The following BRCA1 variants were observed in gnomAD, a reference collection of about 807,000 sequenced individuals.
BRCA1 encodes the protein breast cancer type 1 susceptibility protein.
Under a neutral mutation model 173.7 loss-of-function variants are expected in BRCA1, and 140 were observed. The ratio of observed to expected loss-of-function variants is 0.81; its 90% confidence interval spans 0.70 to 0.93. The LOEUF (loss-of-function observed/expected upper bound fraction) is 0.93. Among genes scored for constraint, BRCA1 ranks in the 40% least tolerant of loss-of-function variants. BRCA1 has a pLI of 0.00. For synonymous variants in BRCA1, 662 were observed against 756.0 expected (o/e 0.88, Z 2.04); for missense variants, 1,983 against 2,172.5 (o/e 0.91, Z 1.73).
intron 1 of BRCA1, among the ~76,000 whole-genome samples, chr17:43,136,302 TTAAACA>T (rs1211262440): frequency 6.6e-6 from 1 of 152,180 alleles, no homozygotes; most frequent in Non-Finnish European, 1.5e-5. Flanking sequence ...GATTAAAAAC[TTAAACA>T]TAAGATCTAA....
intron 15 of BRCA1, 117 bp downstream of exon 15, chr17:43,070,811 T>A (rs575952408): frequency 6.4e-4 from 779 of 1,215,004 alleles, no homozygotes; most frequent in Non-Finnish European, 8.7e-4. Context: ...TACACAGAAC[T>A]GTGATTGTTT....
chr17:43,051,665 C>A (rs910147864), intron 19 of BRCA1, among the ~76,000 whole-genome samples: 1 of 147,466 alleles, frequency 6.8e-6, no homozygotes, highest in Non-Finnish European at 1.5e-5. Flanking sequence ...GAGACGGAGT[C>A]TCTCTCTGTC....
At chr17:43,046,222 CTTTTT>C (rs71157698) in intron 22 of BRCA1, among the ~76,000 whole-genome samples, 1,920 of 68,168 alleles carry the variant, frequency 0.028, 37 homozygotes, top group African/African-American at 0.13. Flanking sequence ...TGCACCTGGC[CTTTTT>C]TTTTTTTTTT....
chr17:43,115,584 TGAG>T, intron 3 of BRCA1, 139 bp downstream of exon 3: 4 of 793,972 alleles, frequency 5.0e-6, no homozygotes, highest in Non-Finnish European at 8.2e-6. Context: ...ATATACTCTC[TGAG>T]AAAGAATGAA....
Position 43,068,780 on chromosome 17 carries a change from T to C in BRCA1, c.4987-1085A>G, listed in dbSNP as rs869312521. 6.6e-6 allele frequency among the ~76,000 whole-genome samples: 1 copy of C among 152,078 alleles called. No homozygotes were observed. The highest frequency in any genetic ancestry group is 2.1e-4 in the South Asian group (1 of 4,828). On this transcript the variant is annotated intron_variant, in intron 15 of 22. Transcript: ENST00000357654. ...CAACCCTCTGATAGTTACAAAACAC[T>C]GAAATCAGGATGTTACTAAAGGTCA... is the stretch of plus-strand genomic sequence containing the variant.
At position 43,091,572 on chromosome 17, in the gene BRCA1, G is replaced by C. The variant is rs2053494663; in HGVS notation, c.3959C>G (p.Ser1320Cys). The stretch of plus-strand genomic sequence containing the variant: ...AGACTGATGCCTCATTTGTTTGGAA[G>C]AACCAATCAAGAAAGGATCCTGGGT... ...TNTQDPFLIG[S>C]SKQMRHQSES... Residue 1320 changes from serine to cysteine, a missense_variant, in exon 10 of 23, where the codon TCT becomes TGT. Ser to Cys is a moderately radical substitution (Grantham distance 112). Coordinates refer to ENST00000357654, the MANE Select transcript of BRCA1 (RefSeq NM_007294.4). 1 of 1,614,170 alleles carries C rather than the reference G, an allele frequency of 6.2e-7. No homozygotes were observed. The highest frequency in any genetic ancestry group is 8.5e-7 in the Non-Finnish European group (1 of 1,180,030).
At chr17:43,121,362 G>T (rs34942571) in intron 2 of BRCA1, among the ~76,000 whole-genome samples, 1 of 150,800 alleles carries the variant, frequency 6.6e-6, no homozygotes, top group Non-Finnish European at 1.5e-5. Flanking sequence ...GCAGCAGAGC[G>T]AGACCGTGTC....
chr17:43,050,764 A>T (rs1391542420), intron 20 of BRCA1, among the ~76,000 whole-genome samples: 2 of 152,158 alleles, frequency 1.3e-5, no homozygotes, highest in Admixed American at 1.3e-4. Context: ...CTATCCAAAG[A>T]TATTTTCTCA....
chr17:43,100,547 TGTGTGTGTGTGTA>T (rs1597889282), intron 6 of BRCA1, among the ~76,000 whole-genome samples: 1 of 78,404 alleles, frequency 1.3e-5, no homozygotes, highest in East Asian at 3.2e-4. Flanking sequence ...CATATATATG[TGTGTGTGTGTGTA>T]TATATATATA....
intron 1 of BRCA1, chr17:43,167,964 A>G (rs1234450141): frequency 1.7e-5 from 3 of 174,878 alleles, no homozygotes; most frequent in African/African-American, 7.2e-5. Flanking sequence ...TGAAGAGGAG[A>G]GGAGTGGGAG....
At chr17:43,169,935 G>C in intron 1 of BRCA1, 1 of 458,552 alleles carries the variant, frequency 2.2e-6, no homozygotes, top group Non-Finnish European at 4.4e-6. Context: ...CAGGACCTTT[G>C]CAAACAAGCC....
intron 2 of BRCA1, among the ~76,000 whole-genome samples, chr17:43,118,073 G>A (rs1162805145): frequency 6.6e-6 from 1 of 151,980 alleles, no homozygotes; most frequent in Non-Finnish European, 1.5e-5. Flanking sequence ...TCTATGTGGG[G>A]GTGAGATGTA....
At chr17:43,054,744 A>AT (rs11347376) in intron 19 of BRCA1, among the ~76,000 whole-genome samples, 160 of 137,532 alleles carry the variant, frequency 1.2e-3, no homozygotes, top group Admixed American at 4.3e-3. Context: ...CCCAGCTGGG[A>AT]TTTTTTTTTT....
Position 43,067,728 on chromosome 17 carries a change from G to A in BRCA1, c.4987-33C>T, listed in dbSNP as rs367645566. On this transcript the variant is annotated intron_variant, in intron 15 of 22. Transcript: ENST00000357654. Reference sequence around the variant, plus strand: ...TAAATCAAATATTCCATTATCATGAGTTACCTCTAGCACACAGCTCAGAAT... The same window carrying A: ...TAAATCAAATATTCCATTATCATGAATTACCTCTAGCACACAGCTCAGAAT... 2.3e-5 allele frequency: 35 copies of A among 1,528,136 alleles called. No homozygotes were observed. Among genetic ancestry groups the A allele is most frequent in the Non-Finnish European group, 2.9e-5 (32 of 1,103,476 alleles). The allele number at this position is 1,528,136 out of a possible 1,614,324, so 94.7% of individuals were successfully genotyped here. A position where few individuals can be genotyped will look rare whatever the true frequency, so the allele number is the denominator to read the frequency against.
At chr17:43,077,354 G>A (rs946672975) in intron 12 of BRCA1, among the ~76,000 whole-genome samples, 2 of 149,236 alleles carry the variant, frequency 1.3e-5, no homozygotes, top group East Asian at 2.0e-4. Context: ...TTTTTGAGAC[G>A]GAGTCTCACT....
chr17:43,083,473 A>G (rs1024256966), intron 11 of BRCA1, among the ~76,000 whole-genome samples: 1 of 152,312 alleles, frequency 6.6e-6, no homozygotes, highest in African/African-American at 2.4e-5. Flanking sequence ...TTAGTTTCTA[A>G]CAGAAAAAGC....
Position 43,093,508 on chromosome 17 carries a change from C to T in BRCA1, c.2023G>A (p.Ala675Thr), listed in dbSNP as rs1597872640. The change falls in exon 10 of 23, where the codon GCA becomes ACA. Residue 675 changes from alanine (A) to threonine (T), a missense_variant. By Grantham distance (58) the Ala-to-Thr change is moderately conservative (BLOSUM62 0). Transcript: ENST00000357654. ...NLQLMEGKEPATGAKKSNKPN... is the reference protein window; with the variant it reads ...NLQLMEGKEPTTGAKKSNKPN... ...TTGTTACTCTTCTTGGCTCCAGTTG[C>T]AGGTTCTTTACCTTCCATGAGTTGT... 1 of 1,614,042 alleles carries T rather than the reference C, an allele frequency of 6.2e-7. No individual in the cohort carries two copies. The highest frequency in any genetic ancestry group is 8.5e-7 in the Non-Finnish European group (1 of 1,180,012).
chr17:43,168,217 T>A, intron 1 of BRCA1: 1 of 426,232 alleles, frequency 2.3e-6, no homozygotes, highest in Non-Finnish European at 4.8e-6. Context: ...GGACATTTTG[T>A]ACTTCTTCAA....
At chr17:43,079,382 G>A (rs2052895205) in intron 12 of BRCA1, 3 of 1,596,922 alleles carry the variant, frequency 1.9e-6, no homozygotes, top group South Asian at 1.1e-5. Flanking sequence ...TTGTTCCTTT[G>A]GCCATGTATA....
Sources: allele counts gnomAD v4.1 joint callset (sites outside exome capture counted in the v4.1 genomes callset), GRCh38; gene constraint gnomAD v4.1.1; transcripts MANE v1.5; gene names NCBI Gene and HGNC (gene_info 2026-07-23, HGNC 2026-07-21).